Variants in DLG2 observed in about 807,000 individuals in gnomAD.
The protein encoded by DLG2 is discs large MAGUK scaffold protein 2, also known as disks large homolog 2.
DLG2 carries 45 observed loss-of-function variants against 132.5 expected under a neutral mutation model. The ratio of observed to expected loss-of-function variants is 0.34; its 90% CI spans 0.27 to 0.44. The LOEUF is 0.44. Among genes scored for constraint, DLG2 ranks in the 20% least tolerant of loss-of-function variants. The pLI, the probability that DLG2 is intolerant of heterozygous loss-of-function variation, is 1.00. For missense variants in DLG2, 1,045 were observed against 1,196.9 expected (o/e 0.87, Z 1.87); for synonymous variants, 424 against 419.6 (o/e 1.01, Z -0.13).
intron 3 of DLG2, among the ~76,000 whole-genome samples, chr11:85,528,403 T>C (rs2074952238): frequency 6.6e-6 from 1 of 152,198 alleles, no homozygotes; most frequent in Non-Finnish European, 1.5e-5. Flanking sequence ...TTACTGCATA[T>C]GGCTAGCCAG....
chr11:84,123,451 G>T (rs1262093734), intron 9 of DLG2, among the ~76,000 whole-genome samples: 1 of 152,120 alleles, frequency 6.6e-6, no homozygotes, highest in East Asian at 1.9e-4. Context: ...CATTAACCCT[G>T]GATCCTCTAC....
At chr11:84,176,447 T>C (rs1272529896) in intron 8 of DLG2, among the ~76,000 whole-genome samples, 1 of 151,268 alleles carries the variant, frequency 6.6e-6, no homozygotes, top group Non-Finnish European at 1.5e-5. Flanking sequence ...CACATACGTA[T>C]ATGCACGGGG....
chr11:84,880,462 A>G (rs2087124705), intron 6 of DLG2, among the ~76,000 whole-genome samples: 1 of 152,182 alleles, frequency 6.6e-6, no homozygotes, highest in Non-Finnish European at 1.5e-5. Context: ...AGCCTGAGAC[A>G]TGGTTGCTTT....
intron 16 of DLG2, among the ~76,000 whole-genome samples, chr11:83,860,217 T>A (rs925219337): frequency 6.6e-6 from 1 of 152,082 alleles, no homozygotes; most frequent in Non-Finnish European, 1.5e-5. Flanking sequence ...ATTGCTATCC[T>A]CCAGACCCCA....
chr11:85,592,947 G>GA (rs149888437), intron 3 of DLG2, among the ~76,000 whole-genome samples: 2,108 of 114,850 alleles, frequency 0.018, 47 homozygotes, highest in African/African-American at 0.065. Flanking sequence ...ACAAGACTGA[G>GA]AAAAAAGAAA....
intron 6 of DLG2, among the ~76,000 whole-genome samples, chr11:84,903,178 C>G (rs764593934): frequency 2.0e-5 from 3 of 152,134 alleles, no homozygotes; most frequent in Admixed American, 6.6e-5. Flanking sequence ...ATAAAACATA[C>G]AAGAGAATGA....
At chr11:84,975,261 C>T (rs2054725705) in intron 6 of DLG2, among the ~76,000 whole-genome samples, 1 of 152,132 alleles carries the variant, frequency 6.6e-6, no homozygotes, top group Admixed American at 6.6e-5. Context: ...AAGCAATGGG[C>T]TCAGCTAATA....
intron 6 of DLG2, among the ~76,000 whole-genome samples, chr11:84,729,017 T>C (rs2062833703): frequency 6.6e-6 from 1 of 152,178 alleles, no homozygotes; most frequent in Non-Finnish European, 1.5e-5. Flanking sequence ...GTCTATTTTG[T>C]TGATCTTTTC....
At position 84,690,371 on chromosome 11, in the gene DLG2, A is replaced by G. The variant is rs939448078; in HGVS notation, c.358-155640T>C. 2.6e-5 allele frequency among the ~76,000 whole-genome samples: 4 copies of G among 152,044 alleles called. 1 individual carries two copies. The highest frequency in any genetic ancestry group is 9.6e-5 in the African/African-American group (4 of 41,538). On this transcript the variant is annotated intron_variant, in intron 6 of 27. Transcript: ENST00000376104. ...ACTTAATTCTACAATGTATACGTAGATCAAAATATCACATTGTACTTCACA... is the reference window on the plus strand; with the variant it reads ...ACTTAATTCTACAATGTATACGTAGGTCAAAATATCACATTGTACTTCACA...
At chr11:83,464,230 C>G (rs550903418) in intron 26 of DLG2, among the ~76,000 whole-genome samples, 10 of 152,352 alleles carry the variant, frequency 6.6e-5, no homozygotes, top group Middle Eastern at 3.4e-3. Flanking sequence ...ACATCCCTTT[C>G]ATACACATCT....
chr11:83,724,712 T>C lies in DLG2; in HGVS notation c.1825+61978A>G, dbSNP rs1199705846. ...CACTGTAGAAAATGCCTGCAAGCAG[T>C]GGCTACTAACAAACGGCAGGGAAAG... On this transcript the variant is annotated intron_variant, in intron 18 of 27. Coordinates refer to ENST00000376104, the MANE Select transcript of DLG2 (RefSeq NM_001142699.3). The C allele has an allele frequency of 6.5e-6, 4 of 615,840 alleles. No homozygotes were observed. The Admixed American group carries it at 7.3e-5, about 11-fold the overall frequency. 38.1% of individuals were successfully genotyped at this position (615,840 alleles called of 1,614,324 possible). A position where few individuals can be genotyped will look rare whatever the true frequency, so the allele number is the denominator to read the frequency against.
chr11:84,992,622 G>C (rs543820929), intron 6 of DLG2, among the ~76,000 whole-genome samples: 7 of 152,228 alleles, frequency 4.6e-5, no homozygotes, highest in Admixed American at 4.6e-4. Context: ...CTGCGGTTTT[G>C]ATTTGCATTT....
intron 3 of DLG2, among the ~76,000 whole-genome samples, chr11:85,523,457 A>G (rs944518071): frequency 2.6e-5 from 4 of 152,240 alleles, no homozygotes. Context: ...AGACATACAA[A>G]TAGGCAAACA....
At chr11:84,273,239 A>T (rs988097461) in intron 7 of DLG2, 2 of 1,563,398 alleles carry the variant, frequency 1.3e-6, no homozygotes, top group East Asian at 2.3e-5. Context: ...AGCCCGAGAA[A>T]CACTTGGCCG....
chr11:85,230,561 C>G (rs1221854813), intron 4 of DLG2, among the ~76,000 whole-genome samples: 2 of 151,398 alleles, frequency 1.3e-5, no homozygotes, highest in African/African-American at 4.9e-5. Flanking sequence ...TTCATACTTG[C>G]ATTGTTTTAC....
chr11:83,663,216 G>A (rs2074761525), intron 18 of DLG2, among the ~76,000 whole-genome samples: 1 of 152,176 alleles, frequency 6.6e-6, no homozygotes, highest in African/African-American at 2.4e-5. Context: ...GGCTCCTAGA[G>A]ACAAAATAAT....
intron 6 of DLG2, among the ~76,000 whole-genome samples, chr11:85,083,877 T>C (rs557858481): frequency 6.6e-6 from 1 of 152,226 alleles, no homozygotes; most frequent in Non-Finnish European, 1.5e-5. Flanking sequence ...GAAGGTATAA[T>C]GGGGCATGTT....
intron 7 of DLG2, among the ~76,000 whole-genome samples, chr11:84,276,745 AC>A (rs1464323671): frequency 2.0e-5 from 3 of 152,182 alleles, no homozygotes; most frequent in Non-Finnish European, 4.4e-5. Flanking sequence ...ACCTAACGGT[AC>A]CTTTGTATGG....
At chr11:84,494,857 C>T (rs1234531781) in intron 7 of DLG2, among the ~76,000 whole-genome samples, 1 of 152,140 alleles carries the variant, frequency 6.6e-6, no homozygotes, top group Admixed American at 6.6e-5. Flanking sequence ...CTCCCTGCCC[C>T]AATTTTACCA....
Sources: gnomAD v4.1 joint callset for allele counts (sites outside exome capture counted in the v4.1 genomes callset) on GRCh38, gnomAD v4.1.1 for gene constraint, MANE v1.5 for transcripts, NCBI Gene and HGNC (gene_info 2026-07-23, HGNC 2026-07-21) for gene names.